The following MYO5C variants were observed in gnomAD, a reference collection of about 807,000 sequenced individuals.
MYO5C encodes the protein unconventional myosin-Vc.
A neutral mutation model predicts 235.7 loss-of-function variants in MYO5C; 194 were observed. The ratio of observed to expected loss-of-function variants is 0.82; its 90% CI spans 0.73 to 0.93. MYO5C has a LOEUF of 0.93. Ranked by LOEUF, MYO5C falls within the 40% of genes least tolerant of loss-of-function variation. The pLI, the probability that MYO5C is intolerant of heterozygous loss-of-function variation, is 0.00. For synonymous variants in MYO5C, 707 were observed against 754.8 expected (o/e 0.94, Z 1.04); for missense variants, 2,038 against 2,127.2 (o/e 0.96, Z 0.82).
Position 52,224,890 on chromosome 15 carries a change from G to A in MYO5C, c.3446+11C>T, listed in dbSNP as rs775833281. ...GAAAAATAAAGAAGATCCCTGAGGA[G>A]AATTTCTAACCGTGTTGCTTTCTTT... is the stretch of plus-strand genomic sequence containing the variant. On this transcript the variant is annotated intron_variant, in intron 28 of 40. Coordinates refer to ENST00000261839, the MANE Select transcript of MYO5C (RefSeq NM_018728.4). 5 of 1,606,178 alleles carry A rather than the reference G, an allele frequency of 3.1e-6. No individual in the cohort carries two copies. Among genetic ancestry groups the A allele is most frequent in the Non-Finnish European group, 4.3e-6 (5 of 1,176,100 alleles).
At chr15:52,226,930 C>A (rs2035837078) in intron 25 of MYO5C, among the ~76,000 whole-genome samples, 1 of 152,008 alleles carries the variant, frequency 6.6e-6, no homozygotes, top group African/African-American at 2.4e-5. Context: ...GGTGGATCAC[C>A]TGAGGTCAGG....
In MYO5C at chr15:52,200,339, G is replaced by A. The variant is rs566147957; in HGVS notation, c.4821-3856C>T. ...TCCCAGCACTTTGGGAGGCTGAGGCGAGTGGATCACTTGAGATCAGGAGTT... is the reference window on the plus strand; with the variant it reads ...TCCCAGCACTTTGGGAGGCTGAGGCAAGTGGATCACTTGAGATCAGGAGTT... On this transcript the variant is annotated intron_variant, in intron 38 of 40. Transcript: ENST00000261839. Among the ~76,000 whole-genome samples, 12 of 152,146 alleles carry A rather than the reference G, an allele frequency of 7.9e-5. No individual in the cohort carries two copies. In the South Asian group the frequency reaches 2.3e-3, roughly 29 times the overall value.
rs1488829457 is a variant in MYO5C, at chr15:52,242,232, AGAGT to A, written c.2391-23_2391-20del. On this transcript the variant is annotated intron_variant, in intron 19 of 40. Coordinates refer to ENST00000261839, the MANE Select transcript of MYO5C (RefSeq NM_018728.4). ...AGCTTTCCTTGGTTAACAAGGATGA[AGAGT>A]GAGTCTGTTACCCACAGAGCATCAA... The A allele has an allele frequency of 1.2e-6, 2 of 1,602,736 alleles. No individual in the cohort carries two copies. The highest frequency in any genetic ancestry group is 2.7e-5 in the African/African-American group (2 of 74,830).
intron 1 of MYO5C, among the ~76,000 whole-genome samples, chr15:52,291,731 G>GGTTTTTTT (rs2037391835): frequency 1.9e-5 from 1 of 52,562 alleles, no homozygotes; most frequent in Non-Finnish European, 3.3e-5. Context: ...CATATTTTAT[G>GGTTTTTTT]TTTTTTTTTT....
intron 40 of MYO5C, among the ~76,000 whole-genome samples, chr15:52,194,800 A>G (rs1490199097): frequency 6.6e-6 from 1 of 151,794 alleles, no homozygotes; most frequent in African/African-American, 2.4e-5. Flanking sequence ...TCTGCATTCA[A>G]TCTGTTGTGA....
rs748882620 is a variant in MYO5C at position 52,225,560 on chromosome 15, T to C, written c.3208-28A>G. On this transcript the variant is annotated intron_variant, in intron 25 of 40. Transcript: ENST00000261839. ...GAATCACAGCAATGACGGAATCAGG[T>C]AAAGAAAAAACAACGATTATGCTTT... 2.6e-6 allele frequency: 4 copies of C among 1,532,062 alleles called. No homozygotes were observed. In the Admixed American group the frequency reaches 6.7e-5, roughly 26 times the overall value. The allele number at this position is 1,532,062 out of a possible 1,614,324, so 94.9% of individuals were successfully genotyped here.
chr15:52,289,208 C>A (rs1271157329), intron 1 of MYO5C, among the ~76,000 whole-genome samples: 1 of 150,604 alleles, frequency 6.6e-6, no homozygotes, highest in African/African-American at 2.5e-5. Context: ...ATGTCCGTGT[C>A]TCCCAAGGTC....
intron 38 of MYO5C, 73 bp downstream of exon 38, chr15:52,204,792 G>C: frequency 6.5e-7 from 1 of 1,529,840 alleles, no homozygotes; most frequent in Non-Finnish European, 8.8e-7. Context: ...AGGGTCAGGC[G>C]CGTGGGGCCT....
rs548146825 is a variant in MYO5C, at chr15:52,203,386, C to A, written c.4820+1479G>T. On this transcript the variant is annotated intron_variant, in intron 38 of 40. Transcript: ENST00000261839. ...TTTTTGAGGCAGAGTCTTGCTCTGT[C>A]GCCCAGGTTGGAGTGCAATGGTGTG... 7.2e-5 allele frequency among the ~76,000 whole-genome samples: 11 copies of A among 152,290 alleles called. No individual in the cohort carries two copies. The South Asian group carries it at 2.1e-3, about 29-fold the overall frequency.
At chr15:52,220,781 C>T (rs1451695631) in intron 30 of MYO5C, among the ~76,000 whole-genome samples, 1 of 150,786 alleles carries the variant, frequency 6.6e-6, no homozygotes, top group African/African-American at 2.4e-5. Context: ...GAGCCGAAAT[C>T]GCACCATTGC....
intron 32 of MYO5C, among the ~76,000 whole-genome samples, chr15:52,218,176 T>C (rs1048049749): frequency 6.6e-6 from 1 of 152,236 alleles, no homozygotes; most frequent in African/African-American, 2.4e-5. Context: ...GGGTGAGTTT[T>C]GCTGGGTAAA....
intron 29 of MYO5C, 69 bp from the exon 30 acceptor site, chr15:52,221,324 C>T (rs1409565156): frequency 7.2e-6 from 8 of 1,114,760 alleles, no homozygotes; most frequent in Non-Finnish European, 9.0e-6. Context: ...ATCTTAGAAG[C>T]AAACTGAACT....
chr15:52,289,128 C>T (rs2037336530), intron 1 of MYO5C, among the ~76,000 whole-genome samples: 1 of 152,076 alleles, frequency 6.6e-6, no homozygotes, highest in Non-Finnish European at 1.5e-5. Flanking sequence ...ATGCCCCTCT[C>T]TTCCTCCTCC....
Position 52,239,932 on chromosome 15 carries a change from C to A in MYO5C, c.2557-53G>T, listed in dbSNP as rs981105589. On this transcript the variant is annotated intron_variant, in intron 20 of 40. Coordinates refer to ENST00000261839, the MANE Select transcript of MYO5C (RefSeq NM_018728.4). ...AACTGGATCCCAAGTGCTTCTCTAA[C>A]CAACTCCTTCAACACTGGAAGATGC... 8.3e-6 allele frequency: 13 copies of A among 1,559,326 alleles called. No homozygotes were observed. The African/African-American group carries it at 1.8e-4, about 21-fold the overall frequency.
At chr15:52,212,739 C>G (rs779471972) in intron 34 of MYO5C, among the ~76,000 whole-genome samples, 2 of 152,188 alleles carry the variant, frequency 1.3e-5, no homozygotes. Context: ...TCACATTGCC[C>G]GCAGAGAAAT....
intron 8 of MYO5C, among the ~76,000 whole-genome samples, chr15:52,268,810 A>G (rs1489469842): frequency 6.6e-6 from 1 of 152,226 alleles, no homozygotes; most frequent in African/African-American, 2.4e-5. Context: ...TCTGAGCAAT[A>G]GAAGATGGGG....
At position 52,292,341 on chromosome 15, in the gene MYO5C, G is replaced by C. The variant is rs2037411554; in HGVS notation, c.27+3269C>G. ...GGAAAAGGTCAGATCCCTTGAAGAA[G>C]AGGAAGATAATAAAGGCGGTTGAAC... is the stretch of plus-strand genomic sequence containing the variant. On this transcript the variant is annotated intron_variant, in intron 1 of 40. Coordinates refer to ENST00000261839, the MANE Select transcript of MYO5C (RefSeq NM_018728.4). Among the ~76,000 whole-genome samples, 5 of 152,348 alleles carry C rather than the reference G, an allele frequency of 3.3e-5. No individual in the cohort carries two copies. In the South Asian group the frequency reaches 1.0e-3, roughly 32 times the overall value.
chr15:52,279,998 A>T (rs1164166942), intron 2 of MYO5C, among the ~76,000 whole-genome samples: 1 of 152,176 alleles, frequency 6.6e-6, no homozygotes, highest in African/African-American at 2.4e-5. Flanking sequence ...GGGAAGCTAC[A>T]AGGGCAGAGA....
intron 28 of MYO5C, among the ~76,000 whole-genome samples, 172 bp downstream of exon 28, chr15:52,224,729 C>T (rs1224506982): frequency 6.6e-6 from 1 of 152,156 alleles, no homozygotes; most frequent in Non-Finnish European, 1.5e-5. Context: ...AGAGATTGCT[C>T]TTCATGAATA....
Sources: gnomAD v4.1 joint callset for allele counts (sites outside exome capture counted in the v4.1 genomes callset) on GRCh38, gnomAD v4.1.1 for gene constraint, MANE v1.5 for transcripts, NCBI Gene and HGNC (gene_info 2026-07-23, HGNC 2026-07-21) for gene names.